PAK3: variants seen among roughly 807,000 people sequenced by gnomAD.
PAK3 encodes serine/threonine-protein kinase PAK 3.
In PAK3, 4 loss-of-function variants were observed where a neutral mutation model predicts 41.0. The ratio of observed to expected loss-of-function variants is 0.10; its 90% CI spans 0.05 to 0.22. The LOEUF (loss-of-function observed/expected upper bound fraction) is 0.22. PAK3 is among the 10% of genes least tolerant of loss of function. PAK3 has a pLI of 1.00. For synonymous variants in PAK3, 146 were observed against 139.6 expected (o/e 1.05, Z -0.32); for missense variants, 205 against 409.9 (o/e 0.50, Z 4.32).
chrX:111,108,076 G>A (rs1156573556), intron 4 of PAK3, among the ~76,000 whole-genome samples: 1 of 112,112 alleles, frequency 8.9e-6, no homozygotes, highest in Admixed American at 9.4e-5. Flanking sequence ...AGTAGTATGA[G>A]GCAACAGTCT....
chrX:111,087,202 A>T (rs904973923), intron 1 of PAK3, among the ~76,000 whole-genome samples: 15 of 108,582 alleles, frequency 1.4e-4, no homozygotes, highest in African/African-American at 5.1e-4. Flanking sequence ...GAGGTGGTGA[A>T]CCACTTTTTA....
At chrX:111,213,896 A>G (rs1382917691) in intron 16 of PAK3, among the ~76,000 whole-genome samples, 2 of 112,238 alleles carry the variant, frequency 1.8e-5, no homozygotes, top group Non-Finnish European at 1.9e-5. Flanking sequence ...TTTTAGCCCA[A>G]TCAGTGATTT....
chrX:111,145,206 G>A (rs1270708852), intron 6 of PAK3, among the ~76,000 whole-genome samples: 1 of 111,916 alleles, frequency 8.9e-6, no homozygotes, highest in Non-Finnish European at 1.9e-5. Flanking sequence ...TGAATGTCGG[G>A]TTTTAGTGAT....
At chrX:111,123,650 A>C (rs989136643) in intron 5 of PAK3, among the ~76,000 whole-genome samples, 1 of 112,176 alleles carries the variant, frequency 8.9e-6, no homozygotes, top group Non-Finnish European at 1.9e-5. Context: ...GGGTATAGGT[A>C]GGTTTACTTC....
intron 4 of PAK3, among the ~76,000 whole-genome samples, chrX:111,116,285 G>A (rs1402876732): frequency 9.0e-6 from 1 of 111,058 alleles, no homozygotes; most frequent in African/African-American, 3.3e-5. Flanking sequence ...AATTACTTTT[G>A]TTTTTTATGC....
At chrX:111,119,071 G>A (rs752985975) in intron 4 of PAK3, among the ~76,000 whole-genome samples, 1 of 111,262 alleles carries the variant, frequency 9.0e-6, no homozygotes, top group South Asian at 3.9e-4. Flanking sequence ...CTTGTGTGGG[G>A]AGTGGGGAGA....
chrX:110,997,424 G>A (rs918627785), intron 1 of PAK3, among the ~76,000 whole-genome samples: 4 of 111,472 alleles, frequency 3.6e-5, no homozygotes, highest in African/African-American at 6.5e-5. Context: ...ATGGGGGCTC[G>A]AAGAAGGATG....
intron 1 of PAK3, among the ~76,000 whole-genome samples, chrX:111,042,269 T>A (rs1765840921): frequency 9.0e-6 from 1 of 111,725 alleles, no homozygotes; most frequent in Non-Finnish European, 1.9e-5. Context: ...AGCCTTAGCC[T>A]TGGAGCCTTC....
chrX:110,995,790 A>C (rs1379148530), intron 1 of PAK3, among the ~76,000 whole-genome samples: 1 of 110,698 alleles, frequency 9.0e-6, no homozygotes, highest in African/African-American at 3.3e-5. Context: ...CCTGTGCACC[A>C]CCTGCGCTGA....
chrX:111,025,127 A>G (rs928669609), intron 1 of PAK3, among the ~76,000 whole-genome samples: 2 of 111,211 alleles, frequency 1.8e-5, no homozygotes, highest in Non-Finnish European at 3.8e-5. Flanking sequence ...AACCTATGAA[A>G]ACCTCTGGAA....
At position 111,064,193 on chromosome X, in the gene PAK3, A is replaced by G. The variant is rs1020466265; in HGVS notation, c.-27-58884A>G. ...TTTAGACGAATAATTTCTTATTTGA[A>G]GAAAGAGGATGATACTGCGAATCAT... On this transcript the variant is annotated intron_variant, in intron 1 of 14. Coordinates refer to the PAK3 transcript ENST00000425146. Among the ~76,000 whole-genome samples, 6 of 112,563 alleles carry G rather than the reference A, an allele frequency of 5.3e-5. No homozygotes were observed. In the South Asian group the frequency reaches 1.5e-3, roughly 28 times the overall value.
At chrX:110,953,897 G>A (rs2090796902) in intron 1 of PAK3, among the ~76,000 whole-genome samples, 1 of 112,082 alleles carries the variant, frequency 8.9e-6, no homozygotes, top group African/African-American at 3.2e-5. Context: ...AAGCATTACT[G>A]AGAGAGGGCA....
At chrX:110,995,305 G>C (rs2091721740) in intron 1 of PAK3, among the ~76,000 whole-genome samples, 1 of 110,976 alleles carries the variant, frequency 9.0e-6, no homozygotes, top group Non-Finnish European at 1.9e-5. Context: ...AGATCAACTG[G>C]GCCCCCTTTC....
Position 111,173,579 on chromosome X carries a change from T to C in PAK3, c.830+498T>C, listed in dbSNP as rs1250382013. On this transcript the variant is annotated intron_variant, in intron 11 of 17. Transcript: ENST00000372007. ...TATGGAGGAAACAGACAATAATCCC[T>C]AAATGAGACCTAGTGCATCATTTTC... Among the ~76,000 whole-genome samples, 12 of 111,216 alleles carry C rather than the reference T, an allele frequency of 1.1e-4. No individual in the cohort carries two copies. The Admixed American group carries it at 1.2e-3, about 11-fold the overall frequency.
intron 10 of PAK3, among the ~76,000 whole-genome samples, chrX:111,169,000 T>C (rs2094300382): frequency 8.9e-6 from 1 of 111,995 alleles, no homozygotes; most frequent in Non-Finnish European, 1.9e-5. Flanking sequence ...AATTGCTAAA[T>C]TGGTGGCATT....
intron 1 of PAK3, among the ~76,000 whole-genome samples, chrX:110,966,386 T>C (rs1182931134): frequency 1.8e-5 from 2 of 110,559 alleles, no homozygotes; most frequent in East Asian, 5.7e-4. Flanking sequence ...CCTTTAGCCC[T>C]GTGAATTTGA....
intron 12 of PAK3, 147 bp from the exon 13 acceptor site, chrX:111,192,359 A>G (rs1351852995): frequency 5.8e-6 from 3 of 518,922 alleles, no homozygotes; most frequent in Non-Finnish European, 9.9e-6. Flanking sequence ...AAAATAAAAA[A>G]AAAAGTGGGG....
At chrX:110,996,178 T>G (rs183775366) in intron 1 of PAK3, among the ~76,000 whole-genome samples, 12 of 112,582 alleles carry the variant, frequency 1.1e-4, no homozygotes, top group African/African-American at 3.5e-4. Flanking sequence ...GGTTTTAATG[T>G]GTAGCCAAGG....
At chrX:111,059,787 T>A (rs1415875766) in intron 1 of PAK3, among the ~76,000 whole-genome samples, 1 of 112,263 alleles carries the variant, frequency 8.9e-6, no homozygotes, top group Non-Finnish European at 1.9e-5. Flanking sequence ...GCTAATCTTA[T>A]ATCCTGCAAC....
Sources: allele counts gnomAD v4.1 joint callset (sites outside exome capture counted in the v4.1 genomes callset), GRCh38; gene constraint gnomAD v4.1.1; transcripts MANE v1.5; gene names NCBI Gene and HGNC (gene_info 2026-07-23, HGNC 2026-07-21).